SYT1: variants seen among roughly 807,000 people sequenced by gnomAD.
SYT1 encodes synaptotagmin 1.
In SYT1, 8 loss-of-function variants were observed where a neutral mutation model predicts 44.8. That is an observed-to-expected ratio of 0.18 (90% CI 0.10 to 0.32). The LOEUF (loss-of-function observed/expected upper bound fraction) is 0.32, where lower values mean the gene tolerates loss of function less well. Ranked by LOEUF, SYT1 falls within the 10% of genes least tolerant of loss-of-function variation. The pLI, the probability that SYT1 is intolerant of heterozygous loss-of-function variation, is 1.00. For synonymous variants in SYT1, 154 were observed against 188.8 expected (o/e 0.82, Z 1.51); for missense variants, 286 against 509.3 (o/e 0.56, Z 4.22).
chr12:79,156,123 T>C (rs1298986153), intron 3 of SYT1, among the ~76,000 whole-genome samples: 1 of 152,178 alleles, frequency 6.6e-6, no homozygotes, highest in East Asian at 1.9e-4. Context: ...TTGGACAAGA[T>C]GAGTATTATT....
chr12:79,187,508 T>A (rs1295720860), intron 3 of SYT1, among the ~76,000 whole-genome samples: 1 of 152,112 alleles, frequency 6.6e-6, no homozygotes, highest in African/African-American at 2.4e-5. Context: ...ATTTCATACA[T>A]TCACATTAAT....
chr12:79,009,112 T>G (rs1700340420), intron 2 of SYT1, among the ~76,000 whole-genome samples: 1 of 152,142 alleles, frequency 6.6e-6, no homozygotes, highest in African/African-American at 2.4e-5. Context: ...CGAAGATACC[T>G]CTTTTTGTTA....
chr12:79,203,528 C>T (rs1484082261), intron 3 of SYT1, among the ~76,000 whole-genome samples: 1 of 152,110 alleles, frequency 6.6e-6, no homozygotes, highest in African/African-American at 2.4e-5. Context: ...CCTAAACCAA[C>T]CATCGGCAAA....
intron 1 of SYT1, among the ~76,000 whole-genome samples, chr12:78,949,774 A>G (rs1387583164): frequency 1.3e-5 from 2 of 152,030 alleles, no homozygotes; most frequent in Non-Finnish European, 2.9e-5. Context: ...TATCAGAGAA[A>G]CAGAGAAGCC....
At chr12:79,034,333 G>T (rs1872994483) in intron 2 of SYT1, among the ~76,000 whole-genome samples, 1 of 151,390 alleles carries the variant, frequency 6.6e-6, no homozygotes, top group Non-Finnish European at 1.5e-5. Flanking sequence ...TTTTACTGAT[G>T]AAGAAATTAA....
At chr12:78,885,317 G>GAAGA (rs1555177656) in intron 1 of SYT1, among the ~76,000 whole-genome samples, 7 of 132,158 alleles carry the variant, frequency 5.3e-5, no homozygotes, top group Non-Finnish European at 9.5e-5. Flanking sequence ...GAGAGGGAGG[G>GAAGA]AAGAAGGAAG....
chr12:79,173,277 T>A (rs1871658630), intron 3 of SYT1, among the ~76,000 whole-genome samples: 1 of 152,008 alleles, frequency 6.6e-6, no homozygotes, highest in Non-Finnish European at 1.5e-5. Flanking sequence ...GTAAGCTCAC[T>A]ATGCATCTGA....
chr12:79,228,699 T>G (rs1327863865), intron 4 of SYT1, among the ~76,000 whole-genome samples: 1 of 152,204 alleles, frequency 6.6e-6, no homozygotes, highest in Non-Finnish European at 1.5e-5. Context: ...ATCTCACTAT[T>G]ATTCTTGACT....
chr12:78,921,659 T>C (rs1417836263), intron 1 of SYT1, among the ~76,000 whole-genome samples: 1 of 151,910 alleles, frequency 6.6e-6, no homozygotes, highest in East Asian at 1.9e-4. Flanking sequence ...CTTCTTCCCA[T>C]TGGTATGCTG....
intron 3 of SYT1, among the ~76,000 whole-genome samples, chr12:79,096,377 C>G (rs1878132535): frequency 6.6e-6 from 1 of 151,934 alleles, no homozygotes; most frequent in Non-Finnish European, 1.5e-5. Context: ...AAGAGGTACA[C>G]TCTGAGGTGA....
At chr12:79,338,540 T>C (rs555416213) in intron 8 of SYT1, among the ~76,000 whole-genome samples, 1 of 152,006 alleles carries the variant, frequency 6.6e-6, no homozygotes, top group Admixed American at 6.6e-5. Context: ...CCCAACAAAC[T>C]GGGATTACAA....
chr12:79,437,900 A>G (rs1870184162), intron 9 of SYT1, among the ~76,000 whole-genome samples: 1 of 152,208 alleles, frequency 6.6e-6, no homozygotes, highest in Non-Finnish European at 1.5e-5. Context: ...TCATAAAAAC[A>G]TGCCCTTGAA....
chr12:79,007,857 T>G (rs546133888), intron 2 of SYT1, among the ~76,000 whole-genome samples: 1 of 151,958 alleles, frequency 6.6e-6, no homozygotes, highest in East Asian at 1.9e-4. Context: ...AGGAAATGCA[T>G]GTGGATAAAA....
At chr12:79,099,821 G>C (rs1209113668) in intron 3 of SYT1, among the ~76,000 whole-genome samples, 3 of 152,060 alleles carry the variant, frequency 2.0e-5, no homozygotes, top group Non-Finnish European at 4.4e-5. Flanking sequence ...GATTAATCTA[G>C]TTCACATTTT....
intron 3 of SYT1, among the ~76,000 whole-genome samples, chr12:79,143,230 C>G (rs1306079924): frequency 6.6e-6 from 1 of 152,152 alleles, no homozygotes; most frequent in Non-Finnish European, 1.5e-5. Context: ...CATTTATACA[C>G]ACATAACATC....
chr12:79,099,154 GA>G (rs1287237722), intron 3 of SYT1, among the ~76,000 whole-genome samples: 1 of 152,118 alleles, frequency 6.6e-6, no homozygotes, highest in African/African-American at 2.4e-5. Flanking sequence ...AATGCAGCCA[GA>G]AGGTGAATTT....
At chr12:79,020,709 G>T (rs749837900) in intron 2 of SYT1, among the ~76,000 whole-genome samples, 3 of 151,786 alleles carry the variant, frequency 2.0e-5, no homozygotes, top group Non-Finnish European at 2.9e-5. Context: ...AATAGGTCTG[G>T]GTTTTCTGTG....
chr12:79,429,675 C>T (rs1289828868), intron 9 of SYT1, among the ~76,000 whole-genome samples: 1 of 152,122 alleles, frequency 6.6e-6, no homozygotes, highest in East Asian at 1.9e-4. Flanking sequence ...ACTACAGGCA[C>T]CCACCACCAC....
rs572218647 is a variant in SYT1, at chr12:79,242,185, C to T, written c.166+24500C>T. Among the ~76,000 whole-genome samples, 18 of 152,314 alleles carry T rather than the reference C, an allele frequency of 1.2e-4. No individual in the cohort carries two copies. The East Asian group carries it at 2.3e-3, about 20-fold the overall frequency. On this transcript the variant is annotated intron_variant, in intron 4 of 10. Transcript: ENST00000261205. ...AGTCATAGGAAACAAATATAATGGA[C>T]GAGCTGCATGTGGATCACCTGGGTC... is the stretch of plus-strand genomic sequence containing the variant.
Sources: allele counts gnomAD v4.1 joint callset (sites outside exome capture counted in the v4.1 genomes callset), GRCh38; gene constraint gnomAD v4.1.1; transcripts MANE v1.5; gene names NCBI Gene and HGNC (gene_info 2026-07-23, HGNC 2026-07-21).